The following PREX2 variants were observed in gnomAD, a reference collection of about 807,000 sequenced individuals.
PREX2 encodes the protein phosphatidylinositol 3,4,5-trisphosphate-dependent Rac exchanger 2 protein.
A neutral mutation model predicts 203.2 loss-of-function variants in PREX2; 107 were observed. That is an observed-to-expected ratio of 0.53 (90% confidence interval 0.45 to 0.62). The LOEUF (loss-of-function observed/expected upper bound fraction) is 0.62. PREX2 is among the 20% of genes least tolerant of loss of function. The probability of loss-of-function intolerance (pLI) is 0.00; values close to 1 mark genes in which losing one functional copy is unlikely to be tolerated. For missense variants in PREX2, 1,777 were observed against 1,955.9 expected (o/e 0.91, Z 1.72); for synonymous variants, 672 against 663.6 (o/e 1.01, Z -0.19).
At position 68,105,616 on chromosome 8, in the gene PREX2, A is replaced by G. The variant is rs1050390511; in HGVS notation, c.2716-2493A>G. The G allele has an allele frequency of 5.6e-6, 6 of 1,075,986 alleles. No individual in the cohort carries two copies. In the African/African-American group the frequency reaches 9.9e-5, roughly 18 times the overall value. The allele number at this position is 1,075,986 out of a possible 1,614,324, so 66.7% of individuals were successfully genotyped here. On this transcript the variant is annotated intron_variant, in intron 23 of 39. Coordinates refer to ENST00000288368, the MANE Select transcript of PREX2 (RefSeq NM_024870.4). ...TATCTGGCTTTTACGTGCATTATAT[A>G]ATTGTATATATACAGTCATGCACTG...
rs10581119 is a variant in PREX2, at chr8:67,976,448, CAGAGAG to C, written c.141+23925_141+23930del. Among the ~76,000 whole-genome samples, 21 of 95,562 alleles carry C rather than the reference CAGAGAG, an allele frequency of 2.2e-4. 1 individual carries two copies. Among genetic ancestry groups the C allele is most frequent in the Non-Finnish European group, 1.3e-4 (6 of 46,364 alleles). 62.7% of individuals were successfully genotyped at this position (95,562 alleles called of 152,430 possible). Reference sequence around the variant, plus strand: ...GACAGAGAGAGAGATGGGAGAGAGACAGAGAGAGAGAGAGAGACAGAGACAGAGAGA... The same window carrying C: ...GACAGAGAGAGAGATGGGAGAGAGACAGAGAGAGAGACAGAGACAGAGAGA... On this transcript the variant is annotated intron_variant, in intron 1 of 39. Coordinates refer to ENST00000288368, the MANE Select transcript of PREX2 (RefSeq NM_024870.4).
intron 7 of PREX2, among the ~76,000 whole-genome samples, chr8:68,039,721 G>A (rs573043701): frequency 1.3e-5 from 2 of 152,162 alleles, no homozygotes; most frequent in South Asian, 4.1e-4. Context: ...TTACGAGTTA[G>A]CCTTGGTTCC....
At chr8:67,987,028 C>CGAG (rs1806451924) in intron 1 of PREX2, among the ~76,000 whole-genome samples, 2 of 151,708 alleles carry the variant, frequency 1.3e-5, no homozygotes, top group African/African-American at 4.8e-5. Context: ...TGTCAGGTGC[C>CGAG]TGTAGTCCCA....
Position 68,230,459 on chromosome 8 carries a change from T to C in PREX2, c.4776-874T>C, listed in dbSNP as rs1813145731. Among the ~76,000 whole-genome samples the C allele has an allele frequency of 1.3e-5, 2 of 152,204 alleles. 1 individual carries two copies. Among genetic ancestry groups the C allele is most frequent in the South Asian group, 4.1e-4 (2 of 4,826 alleles). ...ACAGGCATAGTCCAATCCAGCATTT[T>C]AGTTCAGCCAATCAATCTCTCAGGA... On this transcript the variant is annotated intron_variant, in intron 39 of 39. Coordinates refer to ENST00000288368, the MANE Select transcript of PREX2 (RefSeq NM_024870.4).
chr8:68,191,774 G>C lies in PREX2; in HGVS notation c.4399G>C (p.Ala1467Pro). ...ACCACCAAACTCCACATCCAAAGCTGCCTATGTAGATAAGGTAAAAACAGA... is the reference window on the plus strand; with the variant it reads ...ACCACCAAACTCCACATCCAAAGCTCCCTATGTAGATAAGGTAAAAACAGA... The part of the protein sequence containing the change: ...NSPPNSTSKA[A>P]YVDKLMRPLN... The change falls in exon 36 of 40, where the codon GCC (alanine) becomes CCC (proline). Residue 1467 changes from alanine to proline, a missense_variant. Physicochemically the swap from Ala to Pro is conservative, Grantham distance 27 (BLOSUM62 -1). Transcript: ENST00000288368. 1 of 1,606,052 alleles carries C rather than the reference G, an allele frequency of 6.2e-7. No homozygotes were observed.
chr8:68,224,617 C>G lies in PREX2; in HGVS notation c.4766C>G (p.Ser1589Cys), dbSNP rs1471907180. ...GGAGTCAGAGACCGGACTCCACAGT[C>G]TGCACCAAGGTAAGTGCATCCCCTG... ...NLGVRDRTPQ[S>C]APRLYKLCEP... Residue 1589 changes from serine to cysteine, a missense_variant, in exon 39 of 40, where the codon TCT becomes TGT. By Grantham distance (112) the Ser-to-Cys change is moderately radical (BLOSUM62 -1). Transcript: ENST00000288368. The G allele has an allele frequency of 1.2e-6, 2 of 1,613,116 alleles. No individual in the cohort carries two copies. The highest frequency in any genetic ancestry group is 2.2e-5 in the East Asian group (1 of 44,820).
rs1167878346 is a variant in PREX2, at chr8:68,236,989, A to G, written c.*5611A>G. 3.9e-5 allele frequency: 6 copies of G among 152,148 alleles called. No homozygotes were observed. The highest frequency in any genetic ancestry group is 8.8e-5 in the Non-Finnish European group (6 of 68,000). 9.4% of individuals were successfully genotyped at this position (152,148 alleles called of 1,614,324 possible). A position where few individuals can be genotyped will look rare whatever the true frequency, so the allele number is the denominator to read the frequency against. ...TGAAAGATTGGAATAGTAACCGTGT[A>G]TGATAAATGTTAATAATAATAAAGT... On this transcript the variant is annotated 3_prime_UTR_variant, in exon 40 of 40. Transcript: ENST00000288368.
chr8:68,200,811 T>C (rs1363822940), intron 37 of PREX2, among the ~76,000 whole-genome samples: 1 of 152,200 alleles, frequency 6.6e-6, no homozygotes, highest in Non-Finnish European at 1.5e-5. Context: ...CAGGCCTTGC[T>C]TTTGGTGCAT....
chr8:68,226,203 T>C (rs1813053731), intron 39 of PREX2, among the ~76,000 whole-genome samples: 1 of 152,186 alleles, frequency 6.6e-6, no homozygotes, highest in Non-Finnish European at 1.5e-5. Context: ...CAAATATTTA[T>C]TGAGGACCTC....
chr8:68,062,484 C>T (rs1347862228), intron 11 of PREX2, among the ~76,000 whole-genome samples: 2 of 152,162 alleles, frequency 1.3e-5, no homozygotes, highest in African/African-American at 4.8e-5. Context: ...TCGCATTGTA[C>T]CTAACTTGTT....
At chr8:67,959,575 G>A (rs759818934) in intron 1 of PREX2, among the ~76,000 whole-genome samples, 1 of 152,174 alleles carries the variant, frequency 6.6e-6, no homozygotes, top group Non-Finnish European at 1.5e-5. Flanking sequence ...AGCATAGCAA[G>A]CACCCCCATG....
intron 38 of PREX2, among the ~76,000 whole-genome samples, chr8:68,218,071 C>T (rs529998968): frequency 4.1e-5 from 6 of 146,096 alleles, no homozygotes; most frequent in African/African-American, 1.3e-4. Flanking sequence ...AAGCTTGGGA[C>T]GGAGAGGCAC....
rs1386705801 is a variant in PREX2, at chr8:68,109,508, C to G, written c.3031C>G (p.Leu1011Val). 1.9e-6 allele frequency: 3 copies of G among 1,614,050 alleles called. No homozygotes were observed. The Admixed American group carries it at 5.0e-5, about 27-fold the overall frequency. The change falls in exon 25 of 40, where the codon CTC (leucine) becomes GTC (valine). Residue 1011 changes from leucine (L) to valine (V), a missense_variant. Transcript: ENST00000288368. Reference protein sequence around the residue: ...LSLGQQDGHGLRYLLKEEDLE... With the variant: ...LSLGQQDGHGVRYLLKEEDLE... ...TCTGGGACAGCAGGATGGCCATGGT[C>G]TCAGGTATCTGCTAAAAGAAGAAGA...
At chr8:68,001,239 T>C (rs900956213) in intron 1 of PREX2, among the ~76,000 whole-genome samples, 7 of 152,054 alleles carry the variant, frequency 4.6e-5, no homozygotes, top group Admixed American at 4.6e-4. Flanking sequence ...AACTTAAATT[T>C]ACAATAAAAA....
At chr8:68,183,860 G>A (rs1812135820) in intron 35 of PREX2, among the ~76,000 whole-genome samples, 2 of 152,074 alleles carry the variant, frequency 1.3e-5, no homozygotes, top group South Asian at 4.1e-4. Context: ...ATATGGTAAA[G>A]TCTTACTTTC....
intron 37 of PREX2, among the ~76,000 whole-genome samples, chr8:68,197,976 A>G (rs79642241): frequency 0.056 from 8,526 of 151,916 alleles, 644 homozygotes; most frequent in East Asian, 0.16. Context: ...ATCTTTCTAT[A>G]TGTTACTGTT....
At chr8:68,054,967 C>G (rs985578621) in intron 9 of PREX2, among the ~76,000 whole-genome samples, 2 of 152,220 alleles carry the variant, frequency 1.3e-5, no homozygotes, top group African/African-American at 4.8e-5. Context: ...ATAGTGCCTC[C>G]TAACTATTTC....
At chr8:68,039,282 T>G (rs1174953781) in intron 7 of PREX2, among the ~76,000 whole-genome samples, 2 of 152,184 alleles carry the variant, frequency 1.3e-5, no homozygotes, top group African/African-American at 4.8e-5. Flanking sequence ...GAAGCACTAC[T>G]GTGCTTCTTA....
intron 1 of PREX2, among the ~76,000 whole-genome samples, chr8:68,009,108 G>A (rs968978455): frequency 2.6e-5 from 4 of 152,262 alleles, no homozygotes; most frequent in South Asian, 2.1e-4. Context: ...AGTAGCCGTC[G>A]GGCAGCGACA....
Sources: gnomAD v4.1 joint callset for allele counts (sites outside exome capture counted in the v4.1 genomes callset) on GRCh38, gnomAD v4.1.1 for gene constraint, MANE v1.5 for transcripts, NCBI Gene and HGNC (gene_info 2026-07-23, HGNC 2026-07-21) for gene names.